The following CDK5RAP2 variants were observed in gnomAD, a reference collection of about 807,000 sequenced individuals.
The protein encoded by CDK5RAP2 is CDK5 regulatory subunit-associated protein 2.
In CDK5RAP2, 147 loss-of-function variants were observed where a neutral mutation model predicts 232.9. The observed-to-expected ratio is 0.63, with a 90% CI of 0.55 to 0.72. The LOEUF is 0.72. Among genes scored for constraint, CDK5RAP2 ranks in the 30% least tolerant of loss-of-function variants. The pLI, the probability that CDK5RAP2 is intolerant of heterozygous loss-of-function variation, is 0.00. For synonymous variants in CDK5RAP2, 833 were observed against 833.7 expected, an observed-to-expected ratio of 1.00 and a Z score of 0.01; for missense variants, 2,195 against 2,231.5, an observed-to-expected ratio of 0.98 and a Z score of 0.33.
chr9:120,522,072 T>A (rs1398164171), intron 11 of CDK5RAP2, among the ~76,000 whole-genome samples: 1 of 152,166 alleles, frequency 6.6e-6, no homozygotes, highest in Non-Finnish European at 1.5e-5. Context: ...TTCTTCCCAG[T>A]AAAAATAATA....
At chr9:120,571,276 T>C (rs2042846255) in intron 2 of CDK5RAP2, among the ~76,000 whole-genome samples, 1 of 152,104 alleles carries the variant, frequency 6.6e-6, no homozygotes, top group South Asian at 2.1e-4. Context: ...TCCTGTCTGC[T>C]CCAAAATCTC....
At chr9:120,579,620 G>C (rs1234945027) in intron 1 of CDK5RAP2, among the ~76,000 whole-genome samples, 2 of 152,040 alleles carry the variant, frequency 1.3e-5, no homozygotes, top group Non-Finnish European at 1.5e-5. Flanking sequence ...CCCCACTAAC[G>C]GGATACTCCA....
chr9:120,518,187 G>GTA (rs2040429184), intron 12 of CDK5RAP2, among the ~76,000 whole-genome samples: 1 of 90,078 alleles, frequency 1.1e-5, no homozygotes, highest in Non-Finnish European at 2.3e-5. Flanking sequence ...GTGTGTGTGT[G>GTA]TGTGTGTGTG....
At position 120,439,648 on chromosome 9, in the gene CDK5RAP2, C is replaced by T. The variant is rs769564393; in HGVS notation, c.3473G>A (p.Ser1158Asn). ...CGTEGAQDGL[S>N]KPKNGSDGEE... ...CCCATCAGAACCATTCTTGGGCTTG[C>T]TCAAGCCATCCTGGGCCCCTTCTGT... Residue 1158 changes from serine to asparagine, a missense_variant, in exon 24 of 38, where the codon AGC becomes AAC. Ser to Asn is a conservative substitution (Grantham distance 46). Transcript: ENST00000349780. The T allele has an allele frequency of 3.7e-6, 6 of 1,614,090 alleles. No individual in the cohort carries two copies. The South Asian group carries it at 4.4e-5, about 12-fold the overall frequency.
chr9:120,459,009 C>T (rs1434616226), intron 19 of CDK5RAP2, among the ~76,000 whole-genome samples: 5 of 152,180 alleles, frequency 3.3e-5, no homozygotes, highest in Non-Finnish European at 7.3e-5. Context: ...GTTCTCCCAC[C>T]CTTACAGCCC....
chr9:120,491,401 C>CT lies in CDK5RAP2; in HGVS notation c.1387dup (p.Ser463LysfsTer5), dbSNP rs1199192745. 1 of 1,612,320 alleles carries CT rather than the reference C, an allele frequency of 6.2e-7. No homozygotes were observed. Among genetic ancestry groups the CT allele is most frequent in the Non-Finnish European group, 8.5e-7 (1 of 1,178,840 alleles). ...TTTTTTATTGCTTTCACTCAGAAGA[C>CT]TCTTGTAACGATTTTCCATTGCTTT... On this transcript the variant is annotated frameshift_variant, in exon 13 of 38. Coordinates refer to ENST00000349780, the MANE Select transcript of CDK5RAP2 (RefSeq NM_018249.6). LOFTEE classifies it high-confidence loss of function.
chr9:120,475,578 C>A (rs567958723), intron 15 of CDK5RAP2, among the ~76,000 whole-genome samples: 2 of 151,596 alleles, frequency 1.3e-5, no homozygotes, highest in Non-Finnish European at 2.9e-5. Flanking sequence ...CAGTGCCCCC[C>A]ACTGCTCGCT....
chr9:120,489,040 G>A (rs546165404), intron 13 of CDK5RAP2, among the ~76,000 whole-genome samples: 35 of 152,302 alleles, frequency 2.3e-4, no homozygotes, highest in East Asian at 9.6e-4. Context: ...GTACATAGGA[G>A]GCAAATGACT....
intron 12 of CDK5RAP2, among the ~76,000 whole-genome samples, chr9:120,503,427 C>T (rs1410760333): frequency 1.3e-5 from 2 of 152,180 alleles, no homozygotes; most frequent in Non-Finnish European, 1.5e-5. Flanking sequence ...GGCTCATGCA[C>T]TTGCCACCAG....
rs2036026243 is a variant in CDK5RAP2, at chr9:120,443,699, C to G, written c.3069G>C (p.Glu1023Asp). The G allele has an allele frequency of 1.9e-6, 3 of 1,614,098 alleles. No homozygotes were observed. The African/African-American group carries it at 4.0e-5, about 22-fold the overall frequency. Residue 1023 changes from glutamate (E) to aspartate (D), a missense_variant, in exon 23 of 38, where the codon GAG becomes GAC. Coordinates refer to ENST00000349780, the MANE Select transcript of CDK5RAP2 (RefSeq NM_018249.6). ...VGAAYQDSPG[E>D]QKGIKTTSSV... is the part of the protein sequence containing the mutation. ...AAGATGTGGTTTTAATTCCTTTCTG[C>G]TCTCCTGGGCTGTCCTGGTAGGCTG...
chr9:120,546,356 G>C (rs992075472), intron 4 of CDK5RAP2, among the ~76,000 whole-genome samples: 1 of 152,170 alleles, frequency 6.6e-6, no homozygotes, highest in South Asian at 2.1e-4. Context: ...AAGGAGCACC[G>C]CAATGTTCTC....
At chr9:120,501,994 TA>T (rs1393906177) in intron 12 of CDK5RAP2, among the ~76,000 whole-genome samples, 1 of 152,160 alleles carries the variant, frequency 6.6e-6, no homozygotes, top group Non-Finnish European at 1.5e-5. Context: ...CTGAGACAGG[TA>T]ATTTGCCTAA....
At position 120,448,003 on chromosome 9, in the gene CDK5RAP2, C is replaced by A; in HGVS notation, c.2917G>T (p.Gly973Trp). 6.2e-7 allele frequency: 1 copy of A among 1,614,142 alleles called. No homozygotes were observed. Among genetic ancestry groups the A allele is most frequent in the East Asian group, 2.2e-5 (1 of 44,876 alleles). Residue 973 changes from glycine to tryptophan, a missense_variant, in exon 22 of 38, where the codon GGG becomes TGG. Gly to Trp is a radical substitution (Grantham distance 184, BLOSUM62 -2). Transcript: ENST00000349780. ...CAAGTTTTAAACTCCTTCAGCTCCC[C>A]CTGCAGCTCCAAGATCTGGCTCTGC... ...QLQSQILELQ[G>W]ELKEFKTCNK...
intron 6 of CDK5RAP2, among the ~76,000 whole-genome samples, chr9:120,537,732 G>A (rs552059480): frequency 5.1e-4 from 77 of 151,798 alleles, no homozygotes; most frequent in African/African-American, 1.8e-3. Flanking sequence ...GATGACAGAA[G>A]TATTCACCTC....
Position 120,437,532 on chromosome 9 carries a change from T to C in CDK5RAP2, c.3723-5A>G. On this transcript the variant is annotated splice_polypyrimidine_tract_variant and splice_region_variant and intron_variant, in intron 24 of 37. Transcript: ENST00000349780. ...GACTGAACTAATGAATCGTATCTGA[T>C]AAAAGAGGGGAAAGAAAATACTTGG... 2.5e-6 allele frequency: 4 copies of C among 1,601,028 alleles called. No individual in the cohort carries two copies. Among genetic ancestry groups the C allele is most frequent in the Non-Finnish European group, 3.4e-6 (4 of 1,168,094 alleles).
At chr9:120,547,655 C>T (rs2041898622) in intron 4 of CDK5RAP2, among the ~76,000 whole-genome samples, 1 of 152,108 alleles carries the variant, frequency 6.6e-6, no homozygotes, top group Non-Finnish European at 1.5e-5. Flanking sequence ...GGATATGCCT[C>T]CCTCCTTTCT....
chr9:120,524,205 G>A (rs1293606614), intron 11 of CDK5RAP2, among the ~76,000 whole-genome samples: 1 of 152,202 alleles, frequency 6.6e-6, no homozygotes, highest in Non-Finnish European at 1.5e-5. Flanking sequence ...TCTATGGGGA[G>A]CACTTAGCAG....
At chr9:120,512,033 C>T (rs866373279) in intron 12 of CDK5RAP2, among the ~76,000 whole-genome samples, 23 of 152,234 alleles carry the variant, frequency 1.5e-4, no homozygotes, top group Admixed American at 4.6e-4. Context: ...CCACCGCGCC[C>T]GGCCACAATG....
intron 27 of CDK5RAP2, among the ~76,000 whole-genome samples, chr9:120,417,720 C>G (rs1441316061): frequency 6.6e-6 from 1 of 152,154 alleles, no homozygotes; most frequent in Non-Finnish European, 1.5e-5. Context: ...GGAGAAAAAT[C>G]TCTCTCTCTT....
Sources: allele counts gnomAD v4.1 joint callset (sites outside exome capture counted in the v4.1 genomes callset), GRCh38; gene constraint gnomAD v4.1.1; transcripts MANE v1.5; gene names NCBI Gene and HGNC (gene_info 2026-07-23, HGNC 2026-07-21).